Variants in GALNT11 observed in about 807,000 individuals in gnomAD.
GALNT11 encodes polypeptide N-acetylgalactosaminyltransferase 11.
Under a neutral mutation model 72.7 loss-of-function variants are expected in GALNT11, and 47 were observed. That is an observed-to-expected ratio of 0.65 (90% CI 0.51 to 0.82). GALNT11 has a LOEUF of 0.82. Among genes scored for constraint, GALNT11 ranks in the 40% least tolerant of loss-of-function variants. The pLI, the probability that GALNT11 is intolerant of heterozygous loss-of-function variation, is 0.00. For synonymous variants in GALNT11, 270 were observed against 286.6 expected (o/e 0.94, Z 0.58); for missense variants, 677 against 778.4 (o/e 0.87, Z 1.55).
chr7:152,114,630 G>A (rs996913386), intron 8 of GALNT11, among the ~76,000 whole-genome samples: 3 of 151,090 alleles, frequency 2.0e-5, no homozygotes, highest in Non-Finnish European at 2.9e-5. Flanking sequence ...GCGCAATCTC[G>A]GCTCACTGCA....
intron 1 of GALNT11, among the ~76,000 whole-genome samples, chr7:152,076,604 T>A (rs1335030098): frequency 6.6e-6 from 1 of 152,110 alleles, no homozygotes. Flanking sequence ...TTCTTATCAG[T>A]ATATTGTGAG....
chr7:152,121,251 T>TCC (rs2089404856), intron 11 of GALNT11, among the ~76,000 whole-genome samples: 1 of 152,206 alleles, frequency 6.6e-6, no homozygotes, highest in Admixed American at 6.5e-5. Flanking sequence ...GCGCAGTGGC[T>TCC]CCCGCCTGTA....
chr7:152,117,997 G>A (rs1234333616), intron 9 of GALNT11: 1 of 152,958 alleles, frequency 6.5e-6, no homozygotes, highest in Non-Finnish European at 1.5e-5. Flanking sequence ...GGCAGGTACT[G>A]TCTGTGTTGC....
At chr7:152,029,181 A>T (rs937774690) in intron 1 of GALNT11, among the ~76,000 whole-genome samples, 6 of 152,188 alleles carry the variant, frequency 3.9e-5, no homozygotes. Flanking sequence ...AGCAGTGAGG[A>T]GGTCTAGGCC....
intron 1 of GALNT11, among the ~76,000 whole-genome samples, chr7:152,052,881 ATCT>A (rs1464695330): frequency 6.6e-6 from 1 of 152,040 alleles, no homozygotes; most frequent in Non-Finnish European, 1.5e-5. Flanking sequence ...AACAACATTC[ATCT>A]TCTGTTAATC....
chr7:152,081,674 C>T (rs1445505967), intron 1 of GALNT11, among the ~76,000 whole-genome samples: 2 of 152,200 alleles, frequency 1.3e-5, no homozygotes, highest in Non-Finnish European at 1.5e-5. Context: ...CAGCTTCCAG[C>T]CCTGACCCCA....
At chr7:152,067,408 C>A (rs1458211445) in intron 1 of GALNT11, among the ~76,000 whole-genome samples, 2 of 151,978 alleles carry the variant, frequency 1.3e-5, no homozygotes, top group African/African-American at 4.8e-5. Flanking sequence ...ATAGTCTGTC[C>A]TGTTTACTAT....
rs371183866 is a variant in GALNT11, at chr7:152,108,183, G to A, written c.858G>A (p.Ser286=). The A allele has an allele frequency of 2.9e-5, 47 of 1,614,030 alleles. No homozygotes were observed. Among genetic ancestry groups the A allele is most frequent in the South Asian group, 6.6e-5 (6 of 91,076 alleles). The stretch of plus-strand genomic sequence containing the variant: ...GCGCCGACACGCTGGCCTACAGCTC[G>A]TCCCCTGTCGTCCGCGGAGGGTTCA... ...IISADTLAYS[S]SPVVRGGFNW... is the part of the protein sequence containing the mutation. The change falls in exon 6 of 12, where the codon TCG becomes TCA. Residue 286 remains serine (S), a synonymous_variant. Coordinates refer to ENST00000430044, the MANE Select transcript of GALNT11 (RefSeq NM_022087.4).
intron 1 of GALNT11, among the ~76,000 whole-genome samples, chr7:152,048,519 C>CTTTTCT (rs956521466): frequency 1.3e-5 from 2 of 151,528 alleles, no homozygotes; most frequent in African/African-American, 2.4e-5. Context: ...AGGTCAACAA[C>CTTTTCT]TTTTCTTTTT....
At chr7:152,036,810 A>G (rs1475807183) in intron 1 of GALNT11, among the ~76,000 whole-genome samples, 1 of 152,044 alleles carries the variant, frequency 6.6e-6, no homozygotes, top group African/African-American at 2.4e-5. Flanking sequence ...ATCTCCTTGT[A>G]GTTTTGTTTT....
chr7:152,113,712 C>CTTTTTTTTTTTTT lies in GALNT11; in HGVS notation c.1233+344_1233+356dup, dbSNP rs6150397. Among the ~76,000 whole-genome samples, 26 of 97,018 alleles carry CTTTTTTTTTTTTT rather than the reference C, an allele frequency of 2.7e-4. 1 individual carries two copies. Among genetic ancestry groups the CTTTTTTTTTTTTT allele is most frequent in the African/African-American group, 3.7e-4 (8 of 21,790 alleles). 63.6% of individuals were successfully genotyped at this position (97,018 alleles called of 152,430 possible). On this transcript the variant is annotated intron_variant, in intron 8 of 11. Coordinates refer to ENST00000430044, the MANE Select transcript of GALNT11 (RefSeq NM_022087.4). ...TGTGACGCCTGCAAAAGTTGGCTTT[C>CTTTTTTTTTTTTT]TTTTTTTTTTTTTTTTTTTTTTTTT...
At chr7:152,077,691 G>A (rs1034496868) in intron 1 of GALNT11, among the ~76,000 whole-genome samples, 4 of 152,110 alleles carry the variant, frequency 2.6e-5, no homozygotes, top group African/African-American at 4.8e-5. Flanking sequence ...TCCAGAGGAA[G>A]ATAACATCTC....
chr7:152,117,523 G>T (rs2088988133), intron 9 of GALNT11, 148 bp downstream of exon 9: 1 of 763,016 alleles, frequency 1.3e-6, no homozygotes, highest in African/African-American at 1.8e-5. Context: ...TTCTCTTTAT[G>T]GGAACTTCTC....
At chr7:152,116,459 A>C (rs1163619458) in intron 8 of GALNT11, among the ~76,000 whole-genome samples, 1 of 152,124 alleles carries the variant, frequency 6.6e-6, no homozygotes, top group African/African-American at 2.4e-5. Flanking sequence ...GGCGGGTCTC[A>C]AACTCCTGAC....
intron 1 of GALNT11, among the ~76,000 whole-genome samples, chr7:152,032,196 G>A (rs990002728): frequency 3.9e-5 from 6 of 152,166 alleles, no homozygotes; most frequent in South Asian, 2.1e-4. Context: ...CTTGAGAAGT[G>A]GCCTAGATCT....
chr7:152,120,486 G>C (rs554100599), intron 10 of GALNT11: 1 of 218,542 alleles, frequency 4.6e-6, no homozygotes, highest in East Asian at 1.5e-4. Context: ...TGTCTCCAGA[G>C]GGTCAGCCAG....
intron 1 of GALNT11, among the ~76,000 whole-genome samples, chr7:152,065,667 C>T (rs1303264250): frequency 6.6e-6 from 1 of 152,198 alleles, no homozygotes; most frequent in Non-Finnish European, 1.5e-5. Context: ...ACAGTCAGGA[C>T]CCTCAGCTGC....
chr7:152,047,734 T>C (rs1259091892), intron 1 of GALNT11, among the ~76,000 whole-genome samples: 1 of 151,304 alleles, frequency 6.6e-6, no homozygotes, highest in East Asian at 1.9e-4. Flanking sequence ...GTATGTATAC[T>C]CTATATATAA....
At chr7:152,069,888 A>G (rs75599221) in intron 1 of GALNT11, among the ~76,000 whole-genome samples, 1,786 of 152,276 alleles carry the variant, frequency 0.012, 35 homozygotes, top group African/African-American at 0.041. Context: ...TGGTGTATTT[A>G]GACAATTCAC....
Sources: gnomAD v4.1 joint callset for allele counts (sites outside exome capture counted in the v4.1 genomes callset) on GRCh38, gnomAD v4.1.1 for gene constraint, MANE v1.5 for transcripts, NCBI Gene and HGNC (gene_info 2026-07-23, HGNC 2026-07-21) for gene names.